Variants in NRG1 observed in about 807,000 individuals in gnomAD.
NRG1 encodes neuregulin 1.
In NRG1, 18 loss-of-function variants were observed where a neutral mutation model predicts 63.8. The ratio of observed to expected loss-of-function variants is 0.28; its 90% CI spans 0.19 to 0.42. NRG1 has a LOEUF of 0.42. Ranked by LOEUF, NRG1 falls within the 10% of genes least tolerant of loss-of-function variation. NRG1 has a pLI of 1.00. For missense variants in NRG1, 762 were observed against 814.7 expected (o/e 0.94, Z 0.79); for synonymous variants, 302 against 301.3 (o/e 1.00, Z -0.02).
At chr8:32,003,084 TAC>T (rs1813206853) in intron 1 of NRG1, among the ~76,000 whole-genome samples, 1 of 152,064 alleles carries the variant, frequency 6.6e-6, no homozygotes, top group South Asian at 2.1e-4. Flanking sequence ...CTTTTAGACT[TAC>T]AGACTCCACT....
chr8:31,951,841 C>T (rs147647363), intron 1 of NRG1, among the ~76,000 whole-genome samples: 1 of 152,264 alleles, frequency 6.6e-6, no homozygotes, highest in Non-Finnish European at 1.5e-5. Flanking sequence ...AAAAGCATGA[C>T]ATGACATAAA....
chr8:31,948,744 A>C (rs1319688997), intron 1 of NRG1, among the ~76,000 whole-genome samples: 1 of 146,630 alleles, frequency 6.8e-6, no homozygotes, highest in Non-Finnish European at 1.5e-5. Context: ...TATGACATTC[A>C]TAAATCTAAA....
intron 1 of NRG1, among the ~76,000 whole-genome samples, chr8:32,414,022 A>T (rs1815497921): frequency 6.6e-6 from 1 of 151,856 alleles, no homozygotes; most frequent in South Asian, 2.1e-4. Context: ...GGAGTTATTT[A>T]TAAATCCTGA....
At chr8:31,852,192 C>A (rs1827309053) in intron 1 of NRG1, among the ~76,000 whole-genome samples, 1 of 152,198 alleles carries the variant, frequency 6.6e-6, no homozygotes, top group African/African-American at 2.4e-5. Context: ...ACACCAACTT[C>A]CACAATGGTT....
intron 1 of NRG1, among the ~76,000 whole-genome samples, chr8:32,043,039 A>G (rs954892599): frequency 2.0e-5 from 3 of 148,598 alleles, no homozygotes; most frequent in South Asian, 4.4e-4. Flanking sequence ...TGAAGAAATA[A>G]TGGCTGAAAC....
chr8:32,151,387 A>T (rs961191011), intron 1 of NRG1, among the ~76,000 whole-genome samples: 3 of 152,164 alleles, frequency 2.0e-5, no homozygotes, highest in Non-Finnish European at 2.9e-5. Flanking sequence ...CATAGTAATA[A>T]GTAAAATAAA....
intron 1 of NRG1, among the ~76,000 whole-genome samples, chr8:32,403,299 CAAAAAAAAAAAAA>C (rs68127664): frequency 1.1e-5 from 1 of 89,806 alleles, no homozygotes; most frequent in Non-Finnish European, 2.2e-5. Context: ...CACTCTGTCT[CAAAAAAAAAAAAA>C]AAAAAAAGAA....
chr8:32,576,933 T>C (rs1839755224), intron 1 of NRG1, among the ~76,000 whole-genome samples: 2 of 152,156 alleles, frequency 1.3e-5, no homozygotes, highest in African/African-American at 4.8e-5. Flanking sequence ...ATACTGAGCA[T>C]AGTACCCAAT....
intron 10 of NRG1, among the ~76,000 whole-genome samples, chr8:32,759,927 A>T (rs1204191284): frequency 6.6e-6 from 1 of 152,198 alleles, no homozygotes; most frequent in Non-Finnish European, 1.5e-5. Context: ...CAGAGAGATT[A>T]TAATTATATA....
chr8:31,789,565 G>C (rs970684427), intron 1 of NRG1, among the ~76,000 whole-genome samples: 2 of 152,190 alleles, frequency 1.3e-5, no homozygotes. Context: ...AAACCACAAC[G>C]TGATAGAAGG....
chr8:32,598,542 T>G (rs1843757405), intron 2 of NRG1, among the ~76,000 whole-genome samples: 1 of 152,146 alleles, frequency 6.6e-6, no homozygotes, highest in Non-Finnish European at 1.5e-5. Flanking sequence ...GTCTACATAT[T>G]AATAAAATCC....
intron 1 of NRG1, among the ~76,000 whole-genome samples, chr8:32,312,250 G>A (rs531758222): frequency 7.5e-4 from 98 of 129,820 alleles, no homozygotes; most frequent in African/African-American, 2.6e-3. Context: ...TGCATCCTCC[G>A]CCTCCTGGGC....
intron 1 of NRG1, among the ~76,000 whole-genome samples, chr8:32,135,723 G>A (rs1835420738): frequency 6.6e-6 from 1 of 151,930 alleles, no homozygotes; most frequent in Admixed American, 6.6e-5. Flanking sequence ...CAAGTTTTTG[G>A]TTCATGGGAG....
intron 5 of NRG1, among the ~76,000 whole-genome samples, chr8:32,667,973 G>A (rs1281187144): frequency 2.0e-5 from 3 of 152,146 alleles, no homozygotes; most frequent in African/African-American, 7.2e-5. Context: ...AGCACTTTGG[G>A]AGGCCGAGGC....
intron 5 of NRG1, among the ~76,000 whole-genome samples, chr8:32,679,622 G>C (rs547336715): frequency 6.6e-6 from 1 of 152,150 alleles, no homozygotes; most frequent in South Asian, 2.1e-4. Flanking sequence ...ATCTATTTGA[G>C]TGTTTAGGCA....
intron 1 of NRG1, among the ~76,000 whole-genome samples, chr8:32,352,058 C>G (rs548692948): frequency 7.8e-4 from 119 of 151,890 alleles, no homozygotes; most frequent in Non-Finnish European, 1.4e-3. Context: ...GCTTCAATCT[C>G]TATAATTGTA....
chr8:32,717,133 G>A (rs2976526), intron 5 of NRG1, among the ~76,000 whole-genome samples: 145,252 of 152,184 alleles, frequency 0.95, 69,732 homozygotes, highest in Middle Eastern at 1. Flanking sequence ...CAGAATTTGC[G>A]GCAATACTAC....
chr8:32,171,658 C>A (rs1198741939), intron 1 of NRG1, among the ~76,000 whole-genome samples: 1 of 152,274 alleles, frequency 6.6e-6, no homozygotes, highest in African/African-American at 2.4e-5. Flanking sequence ...TAATACTGCA[C>A]TTTTCCAAAG....
chr8:32,218,696 T>C (rs1471461133), intron 1 of NRG1, among the ~76,000 whole-genome samples: 1 of 152,236 alleles, frequency 6.6e-6, no homozygotes, highest in East Asian at 1.9e-4. Context: ...ACTGTTGTTC[T>C]TTCAAATGTT....
Sources: gnomAD v4.1 joint callset for allele counts (sites outside exome capture counted in the v4.1 genomes callset) on GRCh38, gnomAD v4.1.1 for gene constraint, MANE v1.5 for transcripts, NCBI Gene and HGNC (gene_info 2026-07-23, HGNC 2026-07-21) for gene names.